Variants in NCAM1 observed in about 807,000 individuals in gnomAD.
NCAM1 encodes antigen recognized by monoclonal antibody 5.1H11.
A neutral mutation model predicts 109.8 loss-of-function variants in NCAM1; 14 were observed. The ratio of observed to expected loss-of-function variants is 0.13; its 90% CI spans 0.08 to 0.20. The LOEUF (loss-of-function observed/expected upper bound fraction) is 0.20, where lower values mean the gene tolerates loss of function less well. Among genes scored for constraint, NCAM1 ranks in the 10% least tolerant of loss-of-function variants. The pLI is 1.00. For missense variants in NCAM1, 774 were observed against 1,109.9 expected (o/e 0.70, Z 4.30); for synonymous variants, 418 against 442.9 (o/e 0.94, Z 0.70).
At chr11:113,002,563 T>C (rs1436085460) in intron 1 of NCAM1, among the ~76,000 whole-genome samples, 1 of 152,206 alleles carries the variant, frequency 6.6e-6, no homozygotes, top group Non-Finnish European at 1.5e-5. Flanking sequence ...GAAGATCAAA[T>C]AAATGCTCCT....
chr11:113,168,995 C>T (rs1942899799), intron 1 of NCAM1, among the ~76,000 whole-genome samples: 3 of 149,118 alleles, frequency 2.0e-5, no homozygotes, highest in Non-Finnish European at 1.5e-5. Flanking sequence ...TGCTTGTGTG[C>T]GTATTAAAGA....
At chr11:112,980,601 C>A (rs1193836361) in intron 1 of NCAM1, among the ~76,000 whole-genome samples, 1 of 151,504 alleles carries the variant, frequency 6.6e-6, no homozygotes, top group Non-Finnish European at 1.5e-5. Flanking sequence ...TTTTTTGTAA[C>A]CATGAAAGTT....
chr11:113,151,770 C>T (rs1942231051), intron 1 of NCAM1, among the ~76,000 whole-genome samples: 1 of 152,248 alleles, frequency 6.6e-6, no homozygotes, highest in Admixed American at 6.5e-5. Context: ...TTTCAGTTTT[C>T]TGAGCTTTGT....
At position 113,277,185 on chromosome 11, in the gene NCAM1, T is replaced by C. The variant is rs1444493378; in HGVS notation, c.*1798T>C. ...TCCTAAGGTACAAAGCAGCAAGAGG[T>C]TAGGGTGGCAAGGCTGCCTCTGGGT... is the stretch of plus-strand genomic sequence containing the variant. On this transcript the variant is annotated 3_prime_UTR_variant, in exon 20 of 20. Coordinates refer to ENST00000316851, the MANE Select transcript of NCAM1 (RefSeq NM_181351.5). 7 of 396,850 alleles carry C rather than the reference T, an allele frequency of 1.8e-5. No individual in the cohort carries two copies. The highest frequency in any genetic ancestry group is 4.4e-5 in the Admixed American group (1 of 22,664). The allele number at this position is 396,850 out of a possible 1,614,324, so 24.6% of individuals were successfully genotyped here. A position where few individuals can be genotyped will look rare whatever the true frequency, so the allele number is the denominator to read the frequency against.
chr11:113,106,471 T>C (rs150049128), intron 1 of NCAM1, among the ~76,000 whole-genome samples: 19 of 152,316 alleles, frequency 1.2e-4, no homozygotes, highest in Non-Finnish European at 2.4e-4. Context: ...AAGAAGAAGA[T>C]AAAAAACAGT....
In NCAM1 at chr11:113,001,685, G is replaced by T. The variant is rs61055913; in HGVS notation, c.52+40021G>T. On this transcript the variant is annotated intron_variant, in intron 1 of 19. Coordinates refer to ENST00000316851, the MANE Select transcript of NCAM1 (RefSeq NM_181351.5). Reference sequence around the variant, plus strand: ...CTTGTCTCATTTGCCATTGTAGGCCGAAGGCTGGTGTGGTGCCTAACCTTG... The same window carrying T: ...CTTGTCTCATTTGCCATTGTAGGCCTAAGGCTGGTGTGGTGCCTAACCTTG... 8.8e-3 allele frequency among the ~76,000 whole-genome samples: 1,341 copies of T among 152,264 alleles called. 20 individuals carry two copies. The highest frequency in any genetic ancestry group is 0.031 in the African/African-American group (1,279 of 41,536).
At chr11:113,128,667 C>T (rs1015109796) in intron 1 of NCAM1, among the ~76,000 whole-genome samples, 1 of 152,144 alleles carries the variant, frequency 6.6e-6, no homozygotes, top group East Asian at 1.9e-4. Context: ...ACTCACATCT[C>T]TGTGCTTGGC....
At chr11:113,254,561 G>C (rs892737672) in intron 15 of NCAM1, among the ~76,000 whole-genome samples, 1 of 152,108 alleles carries the variant, frequency 6.6e-6, no homozygotes, top group Non-Finnish European at 1.5e-5. Context: ...GTTCCTCCTC[G>C]TATCAAAGGA....
At chr11:113,155,011 G>A (rs567492033) in intron 1 of NCAM1, among the ~76,000 whole-genome samples, 14 of 152,290 alleles carry the variant, frequency 9.2e-5, no homozygotes, top group African/African-American at 2.2e-4. Flanking sequence ...AGGTGAGAGA[G>A]CAAAGGATGC....
In NCAM1 at chr11:113,240,628, C is replaced by T. The variant is rs902791316; in HGVS notation, c.1825+5464C>T. 89 of 706,556 alleles carry T rather than the reference C, an allele frequency of 1.3e-4. 1 individual carries two copies. Among genetic ancestry groups the T allele is most frequent in the South Asian group, 8.4e-4 (49 of 58,282 alleles). 43.8% of individuals were successfully genotyped at this position (706,556 alleles called of 1,614,324 possible). On this transcript the variant is annotated intron_variant, in intron 14 of 19. Coordinates refer to ENST00000316851, the MANE Select transcript of NCAM1 (RefSeq NM_181351.5). ...GAGAGAGCCCTGCTCCTCGCTAGTGCCCTGGCCAGCTGTTCACACACGGTG... is the reference window on the plus strand; with the variant it reads ...GAGAGAGCCCTGCTCCTCGCTAGTGTCCTGGCCAGCTGTTCACACACGGTG...
chr11:113,214,347 G>T, intron 7 of NCAM1, 22 bp from the exon 8 acceptor site: 1 of 1,612,130 alleles, frequency 6.2e-7, no homozygotes, highest in South Asian at 1.1e-5. Flanking sequence ...GATAAACTCA[G>T]AGAAATGTTT....
At chr11:113,157,308 C>T (rs1942449019) in intron 1 of NCAM1, among the ~76,000 whole-genome samples, 1 of 152,180 alleles carries the variant, frequency 6.6e-6, no homozygotes, top group South Asian at 2.1e-4. Flanking sequence ...ATTAGAACTT[C>T]ACTGTTGAGC....
intron 1 of NCAM1, among the ~76,000 whole-genome samples, chr11:113,042,295 C>T (rs1323898843): frequency 6.6e-6 from 1 of 152,184 alleles, no homozygotes; most frequent in Admixed American, 6.5e-5. Context: ...CCTGCCCCTG[C>T]CGCAGCCTTT....
intron 1 of NCAM1, among the ~76,000 whole-genome samples, chr11:113,097,935 G>T (rs7952383): frequency 1.3e-5 from 2 of 152,068 alleles, no homozygotes; most frequent in Admixed American, 6.5e-5. Flanking sequence ...CTAAATATTT[G>T]AGATAGCTGA....
chr11:113,226,498 A>G lies in NCAM1; in HGVS notation c.1090-5147A>G, dbSNP rs184672994. On this transcript the variant is annotated intron_variant, in intron 9 of 19. Transcript: ENST00000316851. ...ATAATAATGGGAGACTTTAACACCC[A>G]CTGTCAACATTAGACAGATCCACAA... 3.6e-3 allele frequency among the ~76,000 whole-genome samples: 555 copies of G among 152,310 alleles called. 3 individuals carry two copies. The highest frequency in any genetic ancestry group is 0.012 in the African/African-American group (487 of 41,564).
chr11:113,108,377 CAA>C (rs1277522346), intron 1 of NCAM1, among the ~76,000 whole-genome samples: 1 of 152,162 alleles, frequency 6.6e-6, no homozygotes, highest in African/African-American at 2.4e-5. Flanking sequence ...TTGAAAAAGA[CAA>C]GAGATGCCAA....
At chr11:113,272,118 A>G (rs1380291292) in intron 19 of NCAM1, among the ~76,000 whole-genome samples, 1 of 151,590 alleles carries the variant, frequency 6.6e-6, no homozygotes, top group East Asian at 1.9e-4. Context: ...GGATCCCTGG[A>G]TCCCTAGCCC....
intron 1 of NCAM1, among the ~76,000 whole-genome samples, chr11:113,004,093 A>G (rs1418509473): frequency 6.6e-6 from 1 of 152,262 alleles, no homozygotes; most frequent in Non-Finnish European, 1.5e-5. Flanking sequence ...GCGTTTTAAT[A>G]TAGAAGCAGC....
At chr11:113,226,270 G>A (rs1555116200) in intron 9 of NCAM1, among the ~76,000 whole-genome samples, 2 of 152,088 alleles carry the variant, frequency 1.3e-5, no homozygotes, top group African/African-American at 4.8e-5. Context: ...AACAAGGCAG[G>A]GGTTGCAACC....
Sources: allele counts gnomAD v4.1 joint callset (sites outside exome capture counted in the v4.1 genomes callset), GRCh38; gene constraint gnomAD v4.1.1; transcripts MANE v1.5; gene names NCBI Gene and HGNC (gene_info 2026-07-23, HGNC 2026-07-21).